Variants in WDR36 observed in about 807,000 individuals in gnomAD.
WDR36 encodes the protein WD repeat domain 36.
In WDR36, 63 loss-of-function variants were observed where a neutral mutation model predicts 112.7. The observed-to-expected ratio is 0.56, with a 90% confidence interval of 0.46 to 0.69. The LOEUF is 0.69. Among genes scored for constraint, WDR36 ranks in the 30% least tolerant of loss-of-function variants. The pLI is 0.00. For synonymous variants in WDR36, 410 were observed against 362.2 expected (o/e 1.13, Z -1.50); for missense variants, 1,226 against 1,070.3 (o/e 1.15, Z -2.03).
chr5:111,104,569 T>G (rs1459990139), intron 8 of WDR36, 128 bp from the exon 9 acceptor site: 1 of 1,465,226 alleles, frequency 6.8e-7, no homozygotes, highest in African/African-American at 1.4e-5. Context: ...ACTCCCTCCC[T>G]TGTAGCTCCA....
chr5:111,113,701 C>G (rs1753395558), intron 16 of WDR36, among the ~76,000 whole-genome samples: 1 of 152,038 alleles, frequency 6.6e-6, no homozygotes, highest in Admixed American at 6.6e-5. Context: ...GATTGAGAAG[C>G]CCCAGGTCAA....
chr5:111,108,703 G>C (rs1359553611), intron 12 of WDR36, among the ~76,000 whole-genome samples: 2 of 151,274 alleles, frequency 1.3e-5, no homozygotes, highest in Non-Finnish European at 3.0e-5. Flanking sequence ...CTACAGCATG[G>C]TACATTGGTT....
intron 6 of WDR36, among the ~76,000 whole-genome samples, chr5:111,103,530 C>G (rs1165322520): frequency 6.6e-6 from 1 of 151,586 alleles, no homozygotes; most frequent in Non-Finnish European, 1.5e-5. Flanking sequence ...ATCTTACCAG[C>G]TAGGTTTTGG....
rs371682076 is a variant in WDR36, at chr5:111,101,111, C to G, written c.542+390C>G. On this transcript the variant is annotated intron_variant, in intron 5 of 22. Transcript: ENST00000513710. ...GAGCATCTGTGAATTTTGGTATCAGCAGAGAAGTTGGGGAAGTCCTGGAAC... is the reference window on the plus strand; with the variant it reads ...GAGCATCTGTGAATTTTGGTATCAGGAGAGAAGTTGGGGAAGTCCTGGAAC... Among the ~76,000 whole-genome samples, 24 of 151,958 alleles carry G rather than the reference C, an allele frequency of 1.6e-4. No homozygotes were observed. In the East Asian group the frequency reaches 4.1e-3, roughly 26 times the overall value.
At chr5:111,104,450 G>C (rs1337987459) in intron 8 of WDR36, 98 bp downstream of exon 8, 1 of 1,528,944 alleles carries the variant, frequency 6.5e-7, no homozygotes, top group Non-Finnish European at 9.1e-7. Flanking sequence ...CCTAGAAGAT[G>C]AAAGGAATAT....
rs1315966953 is a variant in WDR36, at chr5:111,123,938, T to C, written c.2268+14T>C. ...GATCCCCAGCAGGTAAAAAACAAAT[T>C]AGAAGATTCTAAGTATATCGGTGTA... On this transcript the variant is annotated intron_variant, in intron 20 of 22. Transcript: ENST00000513710. The C allele has an allele frequency of 1.4e-5, 23 of 1,613,068 alleles. No homozygotes were observed. The Admixed American group carries it at 3.2e-4, about 22-fold the overall frequency.
intron 16 of WDR36, among the ~76,000 whole-genome samples, chr5:111,115,603 A>G (rs1306848492): frequency 1.3e-5 from 2 of 152,194 alleles, no homozygotes; most frequent in African/African-American, 2.4e-5. Context: ...CATAATTAGT[A>G]TGACAACCTT....
chr5:111,105,383 T>C (rs1236828927), intron 10 of WDR36, 23 bp downstream of exon 10: 6 of 1,597,208 alleles, frequency 3.8e-6, no homozygotes, highest in Non-Finnish European at 5.1e-6. Flanking sequence ...CAAGACAAAA[T>C]AAGCTGGTCA....
chr5:111,095,514 A>G (rs1016610343), intron 2 of WDR36, among the ~76,000 whole-genome samples: 3 of 152,238 alleles, frequency 2.0e-5, no homozygotes, highest in Non-Finnish European at 4.4e-5. Context: ...ATCAGTTATT[A>G]GTATGATGGT....
intron 6 of WDR36, 132 bp from the exon 7 acceptor site, chr5:111,103,654 T>C (rs778944528): frequency 2.6e-6 from 3 of 1,146,698 alleles, no homozygotes; most frequent in African/African-American, 1.5e-5. Flanking sequence ...TAATACTTGC[T>C]GAGTTTTTCT....
At position 111,120,513 on chromosome 5, in the gene WDR36, A is replaced by G; in HGVS notation, c.1922A>G (p.Tyr641Cys). 2.5e-6 allele frequency: 4 copies of G among 1,612,652 alleles called. No homozygotes were observed. Among genetic ancestry groups the G allele is most frequent in the East Asian group, 2.2e-5 (1 of 44,756 alleles). The change falls in exon 18 of 23, where the codon TAT (tyrosine) becomes TGT (cysteine). Residue 641 changes from tyrosine (Y) to cysteine (C), a missense_variant. By Grantham distance (194) the Tyr-to-Cys change is radical (BLOSUM62 -2). Coordinates refer to ENST00000513710, the MANE Select transcript of WDR36 (RefSeq NM_139281.3). Reference sequence around the variant, plus strand: ...TTTTTCAGGTCCAATATTTCCCTGTATTCAGTTGTTTCATTACGGCCACTT... The same window carrying G: ...TTTTTCAGGTCCAATATTTCCCTGTGTTCAGTTGTTTCATTACGGCCACTT... The part of the protein sequence containing the change: ...GIYLWSNISL[Y>C]SVVSLRPLPA...
chr5:111,093,319 C>T (rs576707510), intron 1 of WDR36, among the ~76,000 whole-genome samples: 1 of 152,206 alleles, frequency 6.6e-6, no homozygotes, highest in Non-Finnish European at 1.5e-5. Flanking sequence ...AAGAATGTAA[C>T]CTCTGTGAGA....
chr5:111,101,093 T>G (rs1050783968), intron 5 of WDR36, among the ~76,000 whole-genome samples: 2 of 151,956 alleles, frequency 1.3e-5, no homozygotes, highest in African/African-American at 4.8e-5. Flanking sequence ...CTTGAGCATC[T>G]GTGAATTTTG....
In WDR36 at chr5:111,113,052, A is replaced by ATATATATATTTTT. The variant is rs35527062; in HGVS notation, c.1717-21_1717-20insATATATATTTTTT. On this transcript the variant is annotated intron_variant, in intron 15 of 22. Coordinates refer to ENST00000513710, the MANE Select transcript of WDR36 (RefSeq NM_139281.3). The stretch of plus-strand genomic sequence containing the variant: ...ATATAAATAATATATATATATATAT[A>ATATATATATTTTT]TTTTTTTTTTTTAATTTAAAGGCTT... 260 of 473,592 alleles carry ATATATATATTTTT rather than the reference A, an allele frequency of 5.5e-4. No homozygotes were observed. In the African/African-American group the frequency reaches 6.2e-3, roughly 11 times the overall value. 29.3% of individuals were successfully genotyped at this position (473,592 alleles called of 1,614,324 possible).
intron 4 of WDR36, 109 bp from the exon 5 acceptor site, chr5:111,100,480 A>G: frequency 1.4e-6 from 1 of 717,304 alleles, no homozygotes; most frequent in Non-Finnish European, 2.2e-6. Context: ...GGTTTATTTT[A>G]ACATATAAAT....
intron 2 of WDR36, among the ~76,000 whole-genome samples, chr5:111,095,627 T>C (rs1752958520): frequency 6.6e-6 from 1 of 152,218 alleles, no homozygotes; most frequent in African/African-American, 2.4e-5. Flanking sequence ...CAGGGAAATA[T>C]TCATTGGAAC....
chr5:111,092,391 C>G lies in WDR36; in HGVS notation c.-66C>G, dbSNP rs371635595. 14 of 1,614,124 alleles carry G rather than the reference C, an allele frequency of 8.7e-6. No homozygotes were observed. The African/African-American group carries it at 1.9e-4, about 22-fold the overall frequency. On this transcript the variant is annotated 5_prime_UTR_variant, in exon 1 of 23. Coordinates refer to ENST00000513710, the MANE Select transcript of WDR36 (RefSeq NM_139281.3). Reference sequence around the variant, plus strand: ...GCAGAGGACTGTTCCACTAGACACGCTGAAGGGACTGGGTACGTGTTTTCC... The same window carrying G: ...GCAGAGGACTGTTCCACTAGACACGGTGAAGGGACTGGGTACGTGTTTTCC...
chr5:111,103,003 G>C (rs894885093), intron 6 of WDR36, among the ~76,000 whole-genome samples: 1 of 151,306 alleles, frequency 6.6e-6, no homozygotes, highest in African/African-American at 2.4e-5. Flanking sequence ...ATCTTCTCTT[G>C]CTGTCATCAG....
At chr5:111,109,817 C>G (rs1753290759) in intron 12 of WDR36, among the ~76,000 whole-genome samples, 1 of 151,144 alleles carries the variant, frequency 6.6e-6, no homozygotes, top group Non-Finnish European at 1.5e-5. Context: ...GAAGCAGTTA[C>G]AAAAGGCAAG....
Sources: allele counts gnomAD v4.1 joint callset (sites outside exome capture counted in the v4.1 genomes callset), GRCh38; gene constraint gnomAD v4.1.1; transcripts MANE v1.5; gene names NCBI Gene and HGNC (gene_info 2026-07-23, HGNC 2026-07-21).